LRRC45: variants seen among roughly 807,000 people sequenced by gnomAD.
LRRC45 encodes leucine rich repeat containing 45, also known as leucine-rich repeat-containing protein 45.
In LRRC45, 73 loss-of-function variants were observed where a neutral mutation model predicts 85.4. That is an observed-to-expected ratio of 0.85 (90% CI 0.71 to 1.04). LRRC45 has a LOEUF of 1.04. Ranked by LOEUF, LRRC45 falls within the 50% of genes least tolerant of loss-of-function variation. The pLI, the probability that LRRC45 is intolerant of heterozygous loss-of-function variation, is 0.00. For synonymous variants in LRRC45, 429 were observed against 386.0 expected (o/e 1.11, Z -1.31); for missense variants, 937 against 883.3 (o/e 1.06, Z -0.77).
At chr17:82,028,723 G>A in intron 12 of LRRC45, 40 bp downstream of exon 12, 1 of 1,580,432 alleles carries the variant, frequency 6.3e-7, no homozygotes, top group South Asian at 1.1e-5. Flanking sequence ...TCAGTCTCTG[G>A]TCTTGGTGTC....
chr17:82,023,910 C>G (rs1317746919), intron 1 of LRRC45, 47 bp downstream of exon 1: 1 of 1,497,830 alleles, frequency 6.7e-7, no homozygotes. Context: ...TAGCTGCCCA[C>G]ACCATTGCCT....
Position 82,023,460 on chromosome 17 carries a change from T to C in LRRC45, c.-184T>C, listed in dbSNP as rs1209661794. 11 of 581,496 alleles carry C rather than the reference T, an allele frequency of 1.9e-5. No homozygotes were observed. The highest frequency in any genetic ancestry group is 9.8e-5 in the Admixed American group (3 of 30,588). 36.0% of individuals were successfully genotyped at this position (581,496 alleles called of 1,614,324 possible). ...GCGGGGCCCCAGCCCAAAGCGGACCTTGACTACCGCCCAGCCCCGCGCTCC... is the reference window on the plus strand; with the variant it reads ...GCGGGGCCCCAGCCCAAAGCGGACCCTGACTACCGCCCAGCCCCGCGCTCC... On this transcript the variant is annotated 5_prime_UTR_variant, in exon 1 of 17. Transcript: ENST00000306688.
rs1444099384 is a variant in LRRC45 at position 82,030,856 on chromosome 17, A to C, written c.*51A>C. ...GTAGGAGTGCATCAGGCGGCGCCCG[A>C]GATGGACCAGGGGCTGCGTCCCGCC... On this transcript the variant is annotated 3_prime_UTR_variant, in exon 17 of 17. Coordinates refer to ENST00000306688, the MANE Select transcript of LRRC45 (RefSeq NM_144999.4). The C allele has an allele frequency of 3.2e-6, 4 of 1,255,706 alleles. No homozygotes were observed. The highest frequency in any genetic ancestry group is 4.1e-6 in the Non-Finnish European group (4 of 974,988). The allele number at this position is 1,255,706 out of a possible 1,614,324, so 77.8% of individuals were successfully genotyped here.
At chr17:82,025,890 A>C (rs184012718) in intron 5 of LRRC45, among the ~76,000 whole-genome samples, 10 of 152,276 alleles carry the variant, frequency 6.6e-5, no homozygotes, top group African/African-American at 2.2e-4. Flanking sequence ...GTGGCCCTGC[A>C]TGTGAGTCAG....
rs1390632636 is a variant in LRRC45 at position 82,023,515 on chromosome 17, G to T, written c.-129G>T. 5 of 821,252 alleles carry T rather than the reference G, an allele frequency of 6.1e-6. No homozygotes were observed. The highest frequency in any genetic ancestry group is 9.1e-6 in the Non-Finnish European group (5 of 549,080). 50.9% of individuals were successfully genotyped at this position (821,252 alleles called of 1,614,324 possible). A position where few individuals can be genotyped will look rare whatever the true frequency, so the allele number is the denominator to read the frequency against. On this transcript the variant is annotated 5_prime_UTR_variant, in exon 1 of 17. Coordinates refer to ENST00000306688, the MANE Select transcript of LRRC45 (RefSeq NM_144999.4). ...ACCTCCCGCCCGCGGAGCCCACTCG[G>T]ATTGCTCTCCGCCCGGGTCGGCGGA... is the stretch of plus-strand genomic sequence containing the variant.
Position 82,026,952 on chromosome 17 carries a change from G to T in LRRC45, c.715G>T (p.Ala239Ser). 1 of 1,608,574 alleles carries T rather than the reference G, an allele frequency of 6.2e-7. No individual in the cohort carries two copies. Among genetic ancestry groups the T allele is most frequent in the Non-Finnish European group, 8.5e-7 (1 of 1,179,042 alleles). The change falls in exon 6 of 17, where the codon GCC becomes TCC. Residue 239 changes from alanine (A) to serine (S), a missense_variant. Transcript: ENST00000306688. The stretch of plus-strand genomic sequence containing the variant: ...GCTCACCACCTTCCAGGAGAACCAA[G>T]CCCGCACTCACGTCCTCAGCAAGGA... ...DRLTTFQENQ[A>S]RTHVLSKEVQ...
intron 8 of LRRC45, 107 bp from the exon 9 acceptor site, chr17:82,027,904 T>C: frequency 6.6e-7 from 1 of 1,520,384 alleles, no homozygotes. Flanking sequence ...AGGAGGCGGG[T>C]GCTGGCTGGG....
chr17:82,029,553 G>T lies in LRRC45; in HGVS notation c.1412G>T (p.Arg471Leu). The T allele has an allele frequency of 1.3e-6, 2 of 1,572,688 alleles. No individual in the cohort carries two copies. Among genetic ancestry groups the T allele is most frequent in the East Asian group, 2.4e-5 (1 of 42,142 alleles). Reference sequence around the variant, plus strand: ...TGGCCATCTGTGCAGGAGCTGAGCCGAGTGAAAGCAGCGGCACTCAGCGAG... The same window carrying T: ...TGGCCATCTGTGCAGGAGCTGAGCCTAGTGAAAGCAGCGGCACTCAGCGAG... ...ARLSLEEELS[R>L]VKAAALSERG... The change falls in exon 14 of 17, where the codon CGA (arginine) becomes CTA (leucine). Residue 471 changes from arginine to leucine, a missense_variant. Physicochemically the swap from Arg to Leu is moderately radical, Grantham distance 102 (BLOSUM62 -2). Coordinates refer to ENST00000306688, the MANE Select transcript of LRRC45 (RefSeq NM_144999.4).
At chr17:82,028,213 C>A in intron 9 of LRRC45, 21 bp from the exon 10 acceptor site, 1 of 1,564,338 alleles carries the variant, frequency 6.4e-7, no homozygotes, top group Non-Finnish European at 8.7e-7. Flanking sequence ...CCTCACTACC[C>A]ATACCCCGTT....
Position 82,031,132 on chromosome 17 carries a change from C to G in LRRC45, c.*327C>G, listed in dbSNP as rs1475520268. The G allele has an allele frequency of 9.8e-6, 3 of 305,386 alleles. No homozygotes were observed. The highest frequency in any genetic ancestry group is 6.5e-5 in the African/African-American group (3 of 46,480). The allele number at this position is 305,386 out of a possible 1,614,324, so 18.9% of individuals were successfully genotyped here. ...CGCGCGGCGGGGTTTGGAAATACAG[C>G]GCGTTTGCACTTTGTGATACATTCT... On this transcript the variant is annotated 3_prime_UTR_variant, in exon 17 of 17. Transcript: ENST00000306688.
At position 82,026,971 on chromosome 17, in the gene LRRC45, G is replaced by T; in HGVS notation, c.734G>T (p.Ser245Ile). 6.2e-7 allele frequency: 1 copy of T among 1,607,168 alleles called. No homozygotes were observed. ...AACCAAGCCCGCACTCACGTCCTCA[G>T]CAAGGAGGTCCAGCACCTCCGGGAG... ...QENQARTHVLSKEVQHLREEK... is the reference protein window; with the variant it reads ...QENQARTHVLIKEVQHLREEK... The change falls in exon 6 of 17, where the codon AGC becomes ATC. Residue 245 changes from serine (S) to isoleucine (I), a missense_variant. By Grantham distance (142) the Ser-to-Ile change is moderately radical. Coordinates refer to ENST00000306688, the MANE Select transcript of LRRC45 (RefSeq NM_144999.4).
intron 13 of LRRC45, 116 bp downstream of exon 13, chr17:82,029,301 T>G (rs963926132): frequency 7.3e-6 from 8 of 1,098,572 alleles, no homozygotes; most frequent in Admixed American, 2.5e-5. Context: ...CAGAGGCTCA[T>G]AGGCCCCACC....
chr17:82,028,656 G>A lies in LRRC45; in HGVS notation c.1281G>A (p.Glu427=), dbSNP rs2043389881. 3.7e-6 allele frequency: 6 copies of A among 1,612,918 alleles called. No individual in the cohort carries two copies. The highest frequency in any genetic ancestry group is 1.1e-5 in the South Asian group (1 of 91,070). The part of the protein sequence containing the change: ...MEKRRCRQSL[E]DSESLRIKEV... ...AGAGAAGATGCAGACAGAGCCTGGAGGACTCCGAAAGCCTGCGCATCAAGG... is the reference window on the plus strand; with the variant it reads ...AGAGAAGATGCAGACAGAGCCTGGAAGACTCCGAAAGCCTGCGCATCAAGG... Residue 427 remains glutamate, a synonymous_variant, in exon 12 of 17, where the codon GAG becomes GAA. Transcript: ENST00000306688.
chr17:82,027,461 C>T lies in LRRC45; in HGVS notation c.833+17C>T, dbSNP rs149190768. The T allele has an allele frequency of 9.9e-6, 16 of 1,612,502 alleles. No homozygotes were observed. Among genetic ancestry groups the T allele is most frequent in the Non-Finnish European group, 1.4e-5 (16 of 1,179,872 alleles). Reference sequence around the variant, plus strand: ...GAGCAGCAGGTGAGCGGGCCCAGGGCAGGGGCAGGGTGAGGCTTCAGGGAT... The same window carrying T: ...GAGCAGCAGGTGAGCGGGCCCAGGGTAGGGGCAGGGTGAGGCTTCAGGGAT... On this transcript the variant is annotated intron_variant, in intron 7 of 16. Coordinates refer to ENST00000306688, the MANE Select transcript of LRRC45 (RefSeq NM_144999.4).
At chr17:82,028,555 G>A (rs201122444) in intron 11 of LRRC45, 47 bp downstream of exon 11, 12 of 1,611,142 alleles carry the variant, frequency 7.4e-6, no homozygotes, top group Admixed American at 3.3e-5. Context: ...GATGGGCACC[G>A]GGGGACGGGG....
At chr17:82,030,022 A>G in intron 14 of LRRC45, 43 bp from the exon 15 acceptor site, 2 of 1,504,920 alleles carry the variant, frequency 1.3e-6, no homozygotes, top group Non-Finnish European at 1.8e-6. Context: ...AGCTGAGCTC[A>G]GGCTGAGCCC....
At position 82,023,746 on chromosome 17, in the gene LRRC45, C is replaced by G. The variant is rs2043336870; in HGVS notation, c.103C>G (p.Leu35Val). 1 of 1,552,946 alleles carries G rather than the reference C, an allele frequency of 6.4e-7. No individual in the cohort carries two copies. Among genetic ancestry groups the G allele is most frequent in the Non-Finnish European group, 8.7e-7 (1 of 1,152,518 alleles). ...GCTGCACCAGCTTCCCAGGGGCCGG[C>G]TGGACCTGGCCACGCAAAGCCTGAC... The part of the protein sequence containing the change: ...QQLHQLPRGR[L>V]DLATQSLTVE... The change falls in exon 1 of 17, where the codon CTG becomes GTG. Residue 35 changes from leucine to valine, a missense_variant. Transcript: ENST00000306688.
intron 12 of LRRC45, 75 bp downstream of exon 12, chr17:82,028,758 C>T: frequency 1.4e-6 from 2 of 1,477,666 alleles, no homozygotes; most frequent in African/African-American, 2.8e-5. Flanking sequence ...AAAGCACACA[C>T]CTGGTGGGAG....
At position 82,024,217 on chromosome 17, in the gene LRRC45, C is replaced by A. The variant is rs1481885733; in HGVS notation, c.221-61C>A. The A allele has an allele frequency of 2.5e-6, 4 of 1,582,260 alleles. No individual in the cohort carries two copies. The African/African-American group carries it at 5.4e-5, about 21-fold the overall frequency. On this transcript the variant is annotated intron_variant, in intron 1 of 16. Coordinates refer to ENST00000306688, the MANE Select transcript of LRRC45 (RefSeq NM_144999.4). ...CTAGGGAGCTGCCCTGAAAAGGGGC[C>A]CACGGGGAGGGCCTTGGGGTCAGCA...
Sources: gnomAD v4.1 joint callset for allele counts (sites outside exome capture counted in the v4.1 genomes callset) on GRCh38, gnomAD v4.1.1 for gene constraint, MANE v1.5 for transcripts, NCBI Gene and HGNC (gene_info 2026-07-23, HGNC 2026-07-21) for gene names.